Variants in TOX2 observed in about 807,000 individuals in gnomAD.
TOX2 encodes TOX high mobility group box family member 2, also known as granulosa cell HMG box 1.
Under a neutral mutation model 47.4 loss-of-function variants are expected in TOX2, and 15 were observed. The ratio of observed to expected loss-of-function variants is 0.32; its 90% CI spans 0.21 to 0.49. TOX2 has a LOEUF of 0.49. TOX2 is among the 20% of genes least tolerant of loss of function. The pLI is 0.99. For missense variants in TOX2, 622 were observed against 673.1 expected (o/e 0.92, Z 0.84); for synonymous variants, 290 against 296.6 (o/e 0.98, Z 0.23).
chr20:43,918,432 G>A (rs1004825886), intron 1 of TOX2, among the ~76,000 whole-genome samples: 13 of 152,106 alleles, frequency 8.5e-5, no homozygotes, highest in African/African-American at 2.9e-4. Context: ...GAACATTTCC[G>A]TCATCCCAGG....
chr20:44,063,874 T>C (rs1252032892), intron 5 of TOX2, among the ~76,000 whole-genome samples: 1 of 152,094 alleles, frequency 6.6e-6, no homozygotes, highest in Non-Finnish European at 1.5e-5. Flanking sequence ...CTGGATGGAA[T>C]TGGAGACAAT....
At chr20:43,944,146 C>G (rs926419023) in intron 1 of TOX2, among the ~76,000 whole-genome samples, 2 of 152,160 alleles carry the variant, frequency 1.3e-5, no homozygotes, top group African/African-American at 4.8e-5. Context: ...TGCCTTGGAT[C>G]TATGGGTTGT....
At chr20:44,022,594 T>G (rs1374665324) in intron 3 of TOX2, among the ~76,000 whole-genome samples, 1 of 152,214 alleles carries the variant, frequency 6.6e-6, no homozygotes, top group Non-Finnish European at 1.5e-5. Flanking sequence ...ACAAACAGTT[T>G]ACTCATTTTT....
intron 1 of TOX2, among the ~76,000 whole-genome samples, chr20:43,926,315 A>G (rs1453925768): frequency 1.3e-5 from 2 of 152,158 alleles, no homozygotes; most frequent in Non-Finnish European, 1.5e-5. Flanking sequence ...CTGAGATGGA[A>G]GTTCATTTTT....
At chr20:43,997,637 T>G (rs1168753316) in intron 2 of TOX2, among the ~76,000 whole-genome samples, 3 of 152,224 alleles carry the variant, frequency 2.0e-5, no homozygotes, top group Non-Finnish European at 4.4e-5. Flanking sequence ...AAAATTTGTT[T>G]TCTATTTTAT....
chr20:44,061,033 TC>T (rs1031483167), intron 5 of TOX2, among the ~76,000 whole-genome samples: 1 of 151,846 alleles, frequency 6.6e-6, no homozygotes, highest in Non-Finnish European at 1.5e-5. Context: ...AGAGAGAAGA[TC>T]CAAATAAGCT....
intron 3 of TOX2, among the ~76,000 whole-genome samples, chr20:44,050,960 A>G (rs1476177795): frequency 1.3e-5 from 2 of 152,228 alleles, no homozygotes; most frequent in Non-Finnish European, 2.9e-5. Context: ...CAGTTCATGC[A>G]GAGACATATT....
intron 1 of TOX2, among the ~76,000 whole-genome samples, chr20:43,966,412 G>A (rs906689606): frequency 2.0e-5 from 3 of 152,206 alleles, no homozygotes; most frequent in African/African-American, 7.2e-5. Flanking sequence ...GTAGATTTCG[G>A]TGGATAGAGA....
chr20:44,039,544 C>T (rs1326519554), intron 3 of TOX2, among the ~76,000 whole-genome samples: 15 of 152,106 alleles, frequency 9.9e-5, no homozygotes, highest in Admixed American at 9.2e-4. Flanking sequence ...GAAAACAGAC[C>T]CTGACACAAA....
intron 2 of TOX2, among the ~76,000 whole-genome samples, chr20:44,003,183 C>CTTT (rs376872679): frequency 2.3e-5 from 3 of 133,148 alleles, no homozygotes; most frequent in Admixed American, 7.7e-5. Flanking sequence ...GTACATTCAA[C>CTTT]TTTTTTTTTT....
At chr20:44,034,058 T>G (rs747958778) in intron 3 of TOX2, among the ~76,000 whole-genome samples, 4 of 152,200 alleles carry the variant, frequency 2.6e-5, no homozygotes, top group Non-Finnish European at 4.4e-5. Flanking sequence ...AGTCCCAGCC[T>G]CTGGATACCC....
intron 1 of TOX2, among the ~76,000 whole-genome samples, chr20:43,926,960 T>A (rs1224924679): frequency 6.6e-6 from 1 of 152,126 alleles, no homozygotes; most frequent in Non-Finnish European, 1.5e-5. Flanking sequence ...CTAGTTCAAG[T>A]GCAAAGGAAT....
chr20:43,995,911 A>G (rs541852409), intron 2 of TOX2, among the ~76,000 whole-genome samples: 46 of 152,234 alleles, frequency 3.0e-4, no homozygotes, highest in Admixed American at 1.4e-3. Flanking sequence ...TCTTTATCCA[A>G]TCTGTCCTTG....
chr20:44,033,471 T>C (rs2071188181), intron 3 of TOX2, among the ~76,000 whole-genome samples: 1 of 152,140 alleles, frequency 6.6e-6, no homozygotes, highest in Admixed American at 6.5e-5. Flanking sequence ...AAAAGGGGCT[T>C]TGCAGATGTG....
chr20:43,951,971 A>G (rs1401989514), intron 1 of TOX2, among the ~76,000 whole-genome samples: 1 of 151,674 alleles, frequency 6.6e-6, no homozygotes, highest in African/African-American at 2.4e-5. Context: ...ATCTTGGCTC[A>G]CTGCAACCTC....
chr20:44,066,945 A>T (rs1040867514), intron 8 of TOX2, 88 bp downstream of exon 8: 1 of 1,540,876 alleles, frequency 6.5e-7, no homozygotes, highest in Admixed American at 1.8e-5. Flanking sequence ...GCCAAGGGCA[A>T]CGTGGACAGG....
At chr20:44,049,985 A>G (rs1014334671) in intron 3 of TOX2, among the ~76,000 whole-genome samples, 1 of 152,208 alleles carries the variant, frequency 6.6e-6, no homozygotes, top group South Asian at 2.1e-4. Context: ...AATGATTTAT[A>G]TTCCTCTGGG....
intron 1 of TOX2, among the ~76,000 whole-genome samples, chr20:43,942,976 G>A (rs987448843): frequency 5.3e-5 from 8 of 152,276 alleles, no homozygotes; most frequent in East Asian, 1.9e-4. Flanking sequence ...GGGCCACAGC[G>A]ATGGGACCCC....
rs2069503946 is a variant in TOX2 at position 43,948,261 on chromosome 20, G to A, written c.100-25106G>A. On this transcript the variant is annotated intron_variant, in intron 1 of 8. Coordinates refer to ENST00000341197, the MANE Select transcript of TOX2 (RefSeq NM_001098797.2). Reference sequence around the variant, plus strand: ...GAATGAAGGTGTGCAGAAGTGGGAGGCCTGAGTTGCAGGGCTTTTCCTGCC... The same window carrying A: ...GAATGAAGGTGTGCAGAAGTGGGAGACCTGAGTTGCAGGGCTTTTCCTGCC... Among the ~76,000 whole-genome samples, 3 of 152,248 alleles carry A rather than the reference G, an allele frequency of 2.0e-5. 1 individual carries two copies. In the South Asian group the frequency reaches 6.2e-4, roughly 32 times the overall value.
Sources: allele counts gnomAD v4.1 joint callset (sites outside exome capture counted in the v4.1 genomes callset), GRCh38; gene constraint gnomAD v4.1.1; transcripts MANE v1.5; gene names NCBI Gene and HGNC (gene_info 2026-07-23, HGNC 2026-07-21).